The following ST6GAL1 variants were observed in gnomAD, a reference collection of about 807,000 sequenced individuals.
ST6GAL1 encodes the protein ST6 beta-galactoside alpha-2,6-sialyltransferase 1.
In ST6GAL1, 20 loss-of-function variants were observed where a neutral mutation model predicts 38.0. The observed-to-expected ratio is 0.53, with a 90% CI of 0.37 to 0.77. The LOEUF (loss-of-function observed/expected upper bound fraction) is 0.77. Ranked by LOEUF, ST6GAL1 falls within the 30% of genes least tolerant of loss-of-function variation. The pLI is 0.00. For synonymous variants in ST6GAL1, 196 were observed against 188.2 expected, an observed-to-expected ratio of 1.04 and a Z score of -0.34; for missense variants, 432 against 496.4, an observed-to-expected ratio of 0.87 and a Z score of 1.23.
chr3:187,042,646 T>G lies in ST6GAL1; in HGVS notation c.-50-8T>G. ...ATCATTTGTTTTTCCTTGTCTCACT[T>G]TTTTTAGGCTTGTTTTCCTGCTCAG... On this transcript the variant is annotated splice_polypyrimidine_tract_variant and splice_region_variant and intron_variant, in intron 3 of 7. Coordinates refer to ENST00000169298, the MANE Select transcript of ST6GAL1 (RefSeq NM_173216.2). The G allele has an allele frequency of 1.3e-6, 2 of 1,533,722 alleles. No homozygotes were observed. Among genetic ancestry groups the G allele is most frequent in the Non-Finnish European group, 1.7e-6 (2 of 1,146,124 alleles).
Position 187,075,798 on chromosome 3 carries a change from T to C in ST6GAL1, c.1216T>C (p.Cys406Arg). 6.2e-7 allele frequency: 1 copy of C among 1,614,186 alleles called. No homozygotes were observed. Among genetic ancestry groups the C allele is most frequent in the Non-Finnish European group, 8.5e-7 (1 of 1,180,014 alleles). The part of the protein sequence containing the change: ...ATLPGFRTIH[C>R] ...ACTGCCTGGCTTCCGGACCATTCAC[T>C]GCTAAGCACAGGCTCCTCACTCTTC... is the stretch of plus-strand genomic sequence containing the variant. Residue 406 changes from cysteine (C) to arginine (R), a missense_variant, in exon 8 of 8, where the codon TGC becomes CGC. Transcript: ENST00000169298. This position sits in a 1 kb window ranked among gnomAD's most constrained non-coding sequence, Gnocchi z 4.1.
At chr3:187,014,165 G>A (rs960516656) in intron 2 of ST6GAL1, among the ~76,000 whole-genome samples, 1 of 152,206 alleles carries the variant, frequency 6.6e-6, no homozygotes, top group Non-Finnish European at 1.5e-5. Flanking sequence ...AGGTGCTTTT[G>A]CACACATTTT....
At chr3:187,003,788 A>G (rs1383589517) in intron 2 of ST6GAL1, among the ~76,000 whole-genome samples, 4 of 152,216 alleles carry the variant, frequency 2.6e-5, no homozygotes, top group Non-Finnish European at 4.4e-5. Flanking sequence ...ATAACCATAC[A>G]TCATTAATAA....
intron 5 of ST6GAL1, among the ~76,000 whole-genome samples, chr3:187,054,138 C>T (rs765433833): frequency 4.1e-4 from 62 of 152,110 alleles, no homozygotes; most frequent in Non-Finnish European, 1.0e-4. Context: ...GTGATGTTTG[C>T]ACATTGATTT....
At chr3:187,043,335 A>G (rs1718193158) in intron 4 of ST6GAL1, 25 bp downstream of exon 4, 16 of 1,597,370 alleles carry the variant, frequency 1.0e-5, no homozygotes, top group Non-Finnish European at 1.3e-5. Context: ...TGTTCTGTGA[A>G]TGGCAGTGCT....
At chr3:187,040,880 G>A (rs367601784) in intron 3 of ST6GAL1, among the ~76,000 whole-genome samples, 2 of 152,198 alleles carry the variant, frequency 1.3e-5, no homozygotes, top group African/African-American at 4.8e-5. Flanking sequence ...ACTGGTTCCT[G>A]AGGTCTGGGA....
At chr3:187,058,696 C>T (rs1029335482) in intron 5 of ST6GAL1, among the ~76,000 whole-genome samples, 1 of 151,890 alleles carries the variant, frequency 6.6e-6, no homozygotes, top group African/African-American at 2.4e-5. Flanking sequence ...GGCTGGAGTG[C>T]AGTGGTGTGA....
chr3:187,012,718 G>C (rs928877512), intron 2 of ST6GAL1, among the ~76,000 whole-genome samples: 1 of 152,226 alleles, frequency 6.6e-6, no homozygotes. Context: ...CCAGGCCGTA[G>C]GGCTGCCAGC....
chr3:187,049,063 G>A (rs971742994), intron 4 of ST6GAL1, among the ~76,000 whole-genome samples: 3 of 151,976 alleles, frequency 2.0e-5, no homozygotes, highest in Non-Finnish European at 4.4e-5. Flanking sequence ...GCTAATTTTT[G>A]TATATTTAGT....
At chr3:187,065,943 C>G (rs1719097223) in intron 5 of ST6GAL1, among the ~76,000 whole-genome samples, 1 of 152,198 alleles carries the variant, frequency 6.6e-6, no homozygotes. Context: ...CTCACAGGAG[C>G]CCAGAAAGTA....
intron 4 of ST6GAL1, among the ~76,000 whole-genome samples, chr3:187,048,880 A>AATTTTTTT (rs1286181913): frequency 8.3e-4 from 96 of 115,442 alleles, no homozygotes; most frequent in African/African-American, 3.5e-3. Flanking sequence ...GAGAAATTGA[A>AATTTTTTT]TTTTTTTTTT....
In ST6GAL1 at chr3:186,987,314, C is replaced by T. The variant is rs181397165; in HGVS notation, c.-183+23388C>T. Among the ~76,000 whole-genome samples, 442 of 152,180 alleles carry T rather than the reference C, an allele frequency of 2.9e-3. 6 individuals carry two copies. The highest frequency in any genetic ancestry group is 0.01 in the African/African-American group (421 of 41,546). On this transcript the variant is annotated intron_variant, in intron 2 of 7. Coordinates refer to ENST00000169298, the MANE Select transcript of ST6GAL1 (RefSeq NM_173216.2). ...TAAGTATCTTATGTCCCTGGAACTACGCTAGGCACATACATACCTTACCAC... is the reference window on the plus strand; with the variant it reads ...TAAGTATCTTATGTCCCTGGAACTATGCTAGGCACATACATACCTTACCAC...
At chr3:187,066,597 C>CGTGTGTGTGT (rs374550671) in intron 5 of ST6GAL1, among the ~76,000 whole-genome samples, 5 of 116,938 alleles carry the variant, frequency 4.3e-5, no homozygotes, top group Non-Finnish European at 9.4e-5. Context: ...GATGTGCGTG[C>CGTGTGTGTGT]GTGCGTGTGT....
intron 2 of ST6GAL1, among the ~76,000 whole-genome samples, chr3:186,974,124 C>T (rs1715442769): frequency 6.6e-6 from 1 of 152,174 alleles, no homozygotes; most frequent in African/African-American, 2.4e-5. Flanking sequence ...GACTCTCTAG[C>T]TTTGGGCCAC....
intron 2 of ST6GAL1, among the ~76,000 whole-genome samples, chr3:187,008,740 A>G (rs1166410665): frequency 6.6e-6 from 1 of 152,240 alleles, no homozygotes; most frequent in Non-Finnish European, 1.5e-5. Context: ...ATAAAAATAC[A>G]CACAAACATA....
intron 2 of ST6GAL1, among the ~76,000 whole-genome samples, chr3:187,023,873 TTAAAG>T (rs1717419979): frequency 6.7e-6 from 1 of 150,320 alleles, no homozygotes; most frequent in Non-Finnish European, 1.5e-5. Flanking sequence ...ACCCTAAAAC[TTAAAG>T]TATAATAATA....
At position 187,058,339 on chromosome 3, in the gene ST6GAL1, C is replaced by T. The variant is rs142624762; in HGVS notation, c.705+6993C>T. The stretch of plus-strand genomic sequence containing the variant: ...CAGTCCCAATGATATGAACCAGGTA[C>T]GTCAGTTGGAAAAGCAGAAATCACC... On this transcript the variant is annotated intron_variant, in intron 5 of 7. Transcript: ENST00000169298. 8.4e-3 allele frequency among the ~76,000 whole-genome samples: 1,280 copies of T among 152,202 alleles called. 24 individuals are homozygous for T. The highest frequency in any genetic ancestry group is 0.029 in the African/African-American group (1,201 of 41,518).
chr3:187,033,306 G>C lies in ST6GAL1; in HGVS notation c.-182-5436G>C, dbSNP rs150743107. ...CGGTGCCTATATTACCCAGCTACTG[G>C]GGAGGCTGAGGCAGGAGAATCTCAT... is the stretch of plus-strand genomic sequence containing the variant. On this transcript the variant is annotated intron_variant, in intron 2 of 7. Transcript: ENST00000169298. Among the ~76,000 whole-genome samples, 526 of 152,244 alleles carry C rather than the reference G, an allele frequency of 3.5e-3. 6 individuals are homozygous for C. The highest frequency in any genetic ancestry group is 0.011 in the African/African-American group (470 of 41,554).
chr3:186,957,898 C>T (rs943894619), intron 1 of ST6GAL1, among the ~76,000 whole-genome samples: 1 of 152,128 alleles, frequency 6.6e-6, no homozygotes, highest in Non-Finnish European at 1.5e-5. Flanking sequence ...TTATCTCCCA[C>T]ACAGCCTTTT....
Sources: allele counts gnomAD v4.1 joint callset (sites outside exome capture counted in the v4.1 genomes callset), GRCh38; gene constraint gnomAD v4.1.1; non-coding constraint Gnocchi (gnomAD v3.1); transcripts MANE v1.5; gene names NCBI Gene and HGNC (gene_info 2026-07-23, HGNC 2026-07-21).